SPEN: variants seen among roughly 807,000 people sequenced by gnomAD.
SPEN encodes the protein spen family transcriptional repressor.
Under a neutral mutation model 269.9 loss-of-function variants are expected in SPEN, and 18 were observed. The ratio of observed to expected loss-of-function variants is 0.07; its 90% CI spans 0.05 to 0.10. The LOEUF is 0.10. Ranked by LOEUF, SPEN falls within the 10% of genes least tolerant of loss-of-function variation. The pLI is 1.00. For missense variants in SPEN, 3,822 were observed against 4,631.2 expected (o/e 0.83, Z 5.07); for synonymous variants, 1,726 against 1,765.7 (o/e 0.98, Z 0.56).
At chr1:15,864,478 T>C (rs1328872838) in intron 1 of SPEN, among the ~76,000 whole-genome samples, 1 of 151,292 alleles carries the variant, frequency 6.6e-6, no homozygotes, top group African/African-American at 2.4e-5. Flanking sequence ...CGGTTTTTTT[T>C]TTTTTTTTTT....
chr1:15,851,081 C>CA (rs1430301094), intron 1 of SPEN, among the ~76,000 whole-genome samples: 3 of 151,384 alleles, frequency 2.0e-5, no homozygotes, highest in Middle Eastern at 3.4e-3. Flanking sequence ...GACATTTTAA[C>CA]AGAAAAAAGA....
In SPEN at chr1:15,937,767, G is replaced by GCC; in HGVS notation, c.10510-44_10510-43insCC. On this transcript the variant is annotated intron_variant, in intron 12 of 14. Coordinates refer to ENST00000375759, the MANE Select transcript of SPEN (RefSeq NM_015001.3). This position sits in a 1 kb window ranked among gnomAD's most constrained non-coding sequence, Gnocchi z 5.7. ...CTCTGGCTGTGTCCAGCATGGCTCA[G>GCC]CGAGGGGCCATGAGCTCACTTCCTG... The GCC allele has an allele frequency of 8.7e-6, 14 of 1,611,312 alleles. No individual in the cohort carries two copies. Among genetic ancestry groups the GCC allele is most frequent in the Admixed American group, 1.7e-5 (1 of 59,168 alleles).
chr1:15,873,025 C>T lies in SPEN; in HGVS notation c.293C>T (p.Ala98Val), dbSNP rs373710027. The part of the protein sequence containing the change: ...ARGLDDTVSI[A>V]SRSREVSGFR... ...GGATTGGATGATACAGTTTCCATAGCATCTCGTAGTAGAGAGGTTTCTGGG... is the reference window on the plus strand; with the variant it reads ...GGATTGGATGATACAGTTTCCATAGTATCTCGTAGTAGAGAGGTTTCTGGG... The change falls in exon 2 of 15, where the codon GCA becomes GTA. Residue 98 changes from alanine (A) to valine (V), a missense_variant. Physicochemically the swap from Ala to Val is moderately conservative, Grantham distance 64. This residue lies in a region of SPEN where 327 missense variants were observed against 350.8 expected (regional missense o/e 0.93). Transcript: ENST00000375759. 2.5e-6 allele frequency: 4 copies of T among 1,614,046 alleles called. No homozygotes were observed. The African/African-American group carries it at 5.3e-5, about 22-fold the overall frequency.
At chr1:15,860,380 TGTG>T (rs1349387810) in intron 1 of SPEN, among the ~76,000 whole-genome samples, 7 of 94,040 alleles carry the variant, frequency 7.4e-5, no homozygotes, top group East Asian at 2.4e-4. Flanking sequence ...GCTTCAGAGG[TGTG>T]TGTGTGTGTG....
At chr1:15,866,811 C>T (rs2070517036) in intron 1 of SPEN, among the ~76,000 whole-genome samples, 1 of 152,046 alleles carries the variant, frequency 6.6e-6, no homozygotes, top group African/African-American at 2.4e-5. Flanking sequence ...CCTAGTTAGG[C>T]GTGCTTGAAA....
In SPEN at chr1:15,933,721, C is replaced by T. The variant is rs375082858; in HGVS notation, c.7481C>T (p.Pro2494Leu). ...TCTGGGGGGATCCCACACCAGAGCC[C>T]CCCTACTAAGGTGACAGAGTGGATC... ...VASGGIPHQS[P>L]PTKVTEWITR... Residue 2494 changes from proline (P) to leucine (L), a missense_variant, in exon 11 of 15, where the codon CCC becomes CTC. Pro to Leu is a moderately conservative substitution (Grantham distance 98). Around this residue, in one of 16 missense-constraint regions of SPEN, gnomAD observed 727 missense variants for 737.9 expected, o/e 0.99. Coordinates refer to ENST00000375759, the MANE Select transcript of SPEN (RefSeq NM_015001.3). This position sits in a 1 kb window ranked among gnomAD's most constrained non-coding sequence, Gnocchi z 5.7. 6.2e-7 allele frequency: 1 copy of T among 1,614,150 alleles called. No homozygotes were observed. Among genetic ancestry groups the T allele is most frequent in the Admixed American group, 1.7e-5 (1 of 60,028 alleles).
intron 3 of SPEN, among the ~76,000 whole-genome samples, chr1:15,881,798 A>G (rs146809565): frequency 3.3e-5 from 5 of 152,338 alleles, no homozygotes; most frequent in Non-Finnish European, 5.9e-5. Flanking sequence ...GAAATTCAGA[A>G]TGTTCAGTTT....
At position 15,934,608 on chromosome 1, in the gene SPEN, A is replaced by G. The variant is rs2071256339; in HGVS notation, c.8368A>G (p.Met2790Val). The change falls in exon 11 of 15, where the codon ATG becomes GTG. Residue 2790 changes from methionine (M) to valine (V), a missense_variant. Physicochemically the swap from Met to Val is conservative, Grantham distance 21. This residue lies in a region of SPEN where 329 missense variants were observed against 431.2 expected (regional missense o/e 0.76). Transcript: ENST00000375759. The surrounding 1 kb of genome is among the most constrained non-coding windows in gnomAD (Gnocchi z 9.2). Reference sequence around the variant, plus strand: ...AAACAGTCGGTTCCACCCAGGGTCCATGCCTGTGATCGACGATCGTCCGGC... The same window carrying G: ...AAACAGTCGGTTCCACCCAGGGTCCGTGCCTGTGATCGACGATCGTCCGGC... The part of the protein sequence containing the change: ...NENSRFHPGS[M>V]PVIDDRPADA... The G allele has an allele frequency of 6.2e-7, 1 of 1,613,950 alleles. No individual in the cohort carries two copies. The highest frequency in any genetic ancestry group is 8.5e-7 in the Non-Finnish European group (1 of 1,179,874).
intron 1 of SPEN, among the ~76,000 whole-genome samples, chr1:15,860,967 C>T (rs1216141918): frequency 2.6e-5 from 4 of 151,964 alleles, no homozygotes; most frequent in South Asian, 2.1e-4. Context: ...AGCAGTGGCA[C>T]GGTCTTGGCT....
chr1:15,922,136 T>G, intron 9 of SPEN, 113 bp from the exon 10 acceptor site: 1 of 735,794 alleles, frequency 1.4e-6, no homozygotes, highest in Non-Finnish European at 2.3e-6. Flanking sequence ...TACATTGCTG[T>G]TTCCTGAAAT....
At chr1:15,918,121 T>C (rs1221156679) in intron 6 of SPEN, among the ~76,000 whole-genome samples, 1 of 152,278 alleles carries the variant, frequency 6.6e-6, no homozygotes, top group Non-Finnish European at 1.5e-5. Context: ...CCAGCTTCTT[T>C]TGTCTTTAGA....
chr1:15,917,218 G>A (rs527830927), intron 6 of SPEN, among the ~76,000 whole-genome samples: 3 of 152,182 alleles, frequency 2.0e-5, no homozygotes, highest in Non-Finnish European at 2.9e-5. Flanking sequence ...TATGGATGTC[G>A]TCTGCTAGCA....
Position 15,928,484 on chromosome 1 carries a change from G to T in SPEN, c.2244G>T (p.Pro748=). ...GASPSQAERL[P]SDSERRLYSR... is the part of the protein sequence containing the mutation. ...CTCCCTCTCAGGCAGAGAGGTTGCC[G>T]AGTGATTCTGAGAGGAGGCTTTACA... The change falls in exon 11 of 15, where the codon CCG becomes CCT. Residue 748 remains proline, a synonymous_variant. Coordinates refer to ENST00000375759, the MANE Select transcript of SPEN (RefSeq NM_015001.3). The surrounding 1 kb of genome is among the most constrained non-coding windows in gnomAD (Gnocchi z 5.7). The T allele has an allele frequency of 5.0e-6, 8 of 1,614,114 alleles. No homozygotes were observed. Among genetic ancestry groups the T allele is most frequent in the Non-Finnish European group, 6.8e-6 (8 of 1,180,024 alleles).
rs549639590 is a variant in SPEN at position 15,935,376 on chromosome 1, G to T, written c.9136G>T (p.Ala3046Ser). The T allele has an allele frequency of 6.2e-7, 1 of 1,614,078 alleles. No homozygotes were observed. The highest frequency in any genetic ancestry group is 1.1e-5 in the South Asian group (1 of 91,088). Residue 3046 changes from alanine (A) to serine (S), a missense_variant, in exon 11 of 15, where the codon GCA becomes TCA. By Grantham distance (99) the Ala-to-Ser change is moderately conservative. Around this residue, in one of 16 missense-constraint regions of SPEN, gnomAD observed 153 missense variants for 228.5 expected, o/e 0.67. Coordinates refer to ENST00000375759, the MANE Select transcript of SPEN (RefSeq NM_015001.3). This position sits in a 1 kb window ranked among gnomAD's most constrained non-coding sequence, Gnocchi z 7.7. The stretch of plus-strand genomic sequence containing the variant: ...AAGGGCAAGCCACCCCAGCAGTACT[G>T]CATCTACGGCGCTCTCCACCAACGC... The part of the protein sequence containing the change: ...FPRASHPSST[A>S]STALSTNATV...
chr1:15,932,993 A>C lies in SPEN; in HGVS notation c.6753A>C (p.Ala2251=), dbSNP rs1332448917. ...GESQTDLQPP[A]GAQALQPSEE... ...CCCAGACAGATCTGCAACCCCCCGC[A>C]GGTGCACAGGCGCTGCAGCCTTCTG... The change falls in exon 11 of 15, where the codon GCA becomes GCC. Residue 2251 remains alanine, a synonymous_variant. Transcript: ENST00000375759. The surrounding 1 kb of genome is among the most constrained non-coding windows in gnomAD (Gnocchi z 4.2). The C allele has an allele frequency of 6.2e-7, 1 of 1,614,194 alleles. No individual in the cohort carries two copies. Among genetic ancestry groups the C allele is most frequent in the Non-Finnish European group, 8.5e-7 (1 of 1,180,008 alleles).
chr1:15,933,620 C>G lies in SPEN; in HGVS notation c.7380C>G (p.Thr2460=). 6.2e-7 allele frequency: 1 copy of G among 1,614,084 alleles called. No homozygotes were observed. Among genetic ancestry groups the G allele is most frequent in the Non-Finnish European group, 8.5e-7 (1 of 1,180,008 alleles). The change falls in exon 11 of 15, where the codon ACC becomes ACG. Residue 2460 remains threonine, a synonymous_variant. Coordinates refer to ENST00000375759, the MANE Select transcript of SPEN (RefSeq NM_015001.3). The surrounding 1 kb of genome is among the most constrained non-coding windows in gnomAD (Gnocchi z 5.7). ...CCATCATTGAAAGTGACCCGGTGACCCCACCCAGCGATCCAAGCATCCCCA... is the reference window on the plus strand; with the variant it reads ...CCATCATTGAAAGTGACCCGGTGACGCCACCCAGCGATCCAAGCATCCCCA... The part of the protein sequence containing the change: ...VHSIIESDPV[T]PPSDPSIPIP...
At chr1:15,901,514 A>C (rs1201941565) in intron 3 of SPEN, among the ~76,000 whole-genome samples, 2 of 151,452 alleles carry the variant, frequency 1.3e-5, no homozygotes, top group Non-Finnish European at 2.9e-5. Flanking sequence ...GTGGTGGTTC[A>C]TACGTGTGGT....
At chr1:15,906,094 T>C (rs1479606927) in intron 3 of SPEN, among the ~76,000 whole-genome samples, 4 of 152,228 alleles carry the variant, frequency 2.6e-5, no homozygotes, top group African/African-American at 4.8e-5. Flanking sequence ...AATCTTGTAT[T>C]AATATTACTT....
At chr1:15,921,322 T>TC (rs957537665) in intron 9 of SPEN, among the ~76,000 whole-genome samples, 1 of 152,074 alleles carries the variant, frequency 6.6e-6, no homozygotes, top group African/African-American at 2.4e-5. Context: ...AGAGTAAGAC[T>TC]CCATCTCCAA....
Sources: gnomAD v4.1 joint callset for allele counts (sites outside exome capture counted in the v4.1 genomes callset) on GRCh38, gnomAD v4.1.1 for gene constraint, gnomAD v4.1.1 regional missense constraint, Gnocchi (gnomAD v3.1) non-coding constraint, MANE v1.5 for transcripts, NCBI Gene and HGNC (gene_info 2026-07-23, HGNC 2026-07-21) for gene names.